EMC3: variants seen among roughly 807,000 people sequenced by gnomAD.
The protein encoded by EMC3 is ER membrane protein complex subunit 3, also known as 30 kDa protein.
Under a neutral mutation model 36.6 loss-of-function variants are expected in EMC3, and 13 were observed. That is an observed-to-expected ratio of 0.35 (90% CI 0.23 to 0.56). The LOEUF (loss-of-function observed/expected upper bound fraction) is 0.56, where lower values mean the gene tolerates loss of function less well. Among genes scored for constraint, EMC3 ranks in the 20% least tolerant of loss-of-function variants. The pLI is 0.84. For missense variants in EMC3, 220 were observed against 324.5 expected, an observed-to-expected ratio of 0.68 and a Z score of 2.47; for synonymous variants, 120 against 111.9, an observed-to-expected ratio of 1.07 and a Z score of -0.46.
rs2085703490 is a variant in EMC3 at position 9,963,138 on chromosome 3, T to A, written c.*931A>T. 2.6e-5 allele frequency: 4 copies of A among 152,298 alleles called. No homozygotes were observed. In the South Asian group the frequency reaches 8.3e-4, roughly 32 times the overall value. The allele number at this position is 152,298 out of a possible 1,614,324, so 9.4% of individuals were successfully genotyped here. A position where few individuals can be genotyped will look rare whatever the true frequency, so the allele number is the denominator to read the frequency against. On this transcript the variant is annotated 3_prime_UTR_variant, in exon 8 of 8. Transcript: ENST00000245046. The stretch of plus-strand genomic sequence containing the variant: ...TGATATAGAAGGTTTGCTGAGTCTG[T>A]CCTGACCCTGGGTATTCACTCTGAA...
At chr3:9,975,623 T>C (rs2085839359) in intron 3 of EMC3, among the ~76,000 whole-genome samples, 1 of 151,932 alleles carries the variant, frequency 6.6e-6, no homozygotes, top group African/African-American at 2.4e-5. Flanking sequence ...CCATCCTGGC[T>C]AACACAATGA....
At chr3:9,970,364 A>G (rs2085772777) in intron 6 of EMC3, among the ~76,000 whole-genome samples, 1 of 152,196 alleles carries the variant, frequency 6.6e-6, no homozygotes, top group Admixed American at 6.5e-5. Flanking sequence ...ACTCTGGGGA[A>G]TCAAAATACT....
At chr3:9,988,269 G>A (rs2086002703), upstream of EMC3, 1 of 641,492 alleles carries the variant, frequency 1.6e-6, no homozygotes, top group Non-Finnish European at 2.9e-6. Flanking sequence ...ACATGAGGTT[G>A]TCATTTACTC....
rs567928980 is a variant in EMC3 at position 9,965,124 on chromosome 3, T to G, written c.658-927A>C. On this transcript the variant is annotated intron_variant, in intron 7 of 7. Coordinates refer to ENST00000245046, the MANE Select transcript of EMC3 (RefSeq NM_001394674.1). ...TAAATTAAAAAAAAAAAAAAAAAGCTTGCGAGATGTGGTAGCTCACACCTG... is the reference window on the plus strand; with the variant it reads ...TAAATTAAAAAAAAAAAAAAAAAGCGTGCGAGATGTGGTAGCTCACACCTG... Among the ~76,000 whole-genome samples the G allele has an allele frequency of 2.0e-5, 3 of 148,642 alleles. No individual in the cohort carries two copies. The South Asian group carries it at 6.4e-4, about 31-fold the overall frequency.
At chr3:10,002,850 A>G (rs1317900477) in intron 1 of EMC3, 3 of 456,442 alleles carry the variant, frequency 6.6e-6, no homozygotes, top group Non-Finnish European at 1.3e-5. Flanking sequence ...GTGCAGACCC[A>G]GAAACCTCCC....
intron 1 of EMC3, chr3:10,007,596 G>A (rs1247598672): frequency 7.3e-7 from 1 of 1,367,486 alleles, no homozygotes; most frequent in African/African-American, 1.5e-5. Context: ...TGTCAGGGGA[G>A]GGTTGATGGC....
chr3:9,977,315 CCCTTATAAAACATTCAGATAT>C, intron 2 of EMC3, 53 bp downstream of exon 2: 2 of 1,398,676 alleles, frequency 1.4e-6, no homozygotes, highest in Non-Finnish European at 9.8e-7. Flanking sequence ...CCCCAGAGCC[CCCTTATAAAACATTCAGATAT>C]CTACTGCCCA....
chr3:10,006,763 A>C, intron 1 of EMC3: 1 of 347,854 alleles, frequency 2.9e-6, no homozygotes, highest in South Asian at 2.2e-5. Flanking sequence ...TGCATTTTGC[A>C]AAACACCTGA....
chr3:9,973,077 G>A (rs1018942997), intron 5 of EMC3, among the ~76,000 whole-genome samples: 5 of 151,274 alleles, frequency 3.3e-5, no homozygotes, highest in South Asian at 2.1e-4. Flanking sequence ...CGCCCGCCTC[G>A]GCCTCCCAAA....
chr3:9,965,078 G>A (rs1250156304), intron 7 of EMC3, among the ~76,000 whole-genome samples: 2 of 147,378 alleles, frequency 1.4e-5, no homozygotes, highest in Non-Finnish European at 3.0e-5. Context: ...CCTAGAGATA[G>A]TAATACCTCG....
At chr3:10,000,295 C>G (rs1224546059) in intron 1 of EMC3, among the ~76,000 whole-genome samples, 3 of 152,142 alleles carry the variant, frequency 2.0e-5, no homozygotes, top group African/African-American at 7.2e-5. Flanking sequence ...CCGCCTCGGC[C>G]TCCCAAAGTG....
upstream of EMC3, chr3:9,987,264 G>A: frequency 1.0e-6 from 1 of 984,352 alleles, no homozygotes; most frequent in Non-Finnish European, 1.2e-6. Context: ...ACGGCTTCTC[G>A]GTGAGTAAAT....
Position 9,974,495 on chromosome 3 carries a change from C to G in EMC3, c.308-7G>C. 6.4e-7 allele frequency: 1 copy of G among 1,573,948 alleles called. No individual in the cohort carries two copies. On this transcript the variant is annotated splice_polypyrimidine_tract_variant and splice_region_variant and intron_variant, in intron 3 of 7. Transcript: ENST00000245046. ...TCTGTCAACATAGTAGGATCTAAGA[C>G]AAAAGCACAAACAAGAAACCACTAA...
chr3:9,986,443 T>G, intron 1 of EMC3, 64 bp downstream of exon 1: 7 of 1,589,932 alleles, frequency 4.4e-6, no homozygotes, highest in South Asian at 1.1e-5. Flanking sequence ...TTGACACAAC[T>G]CCTGCACTTT....
Position 9,973,642 on chromosome 3 carries a change from T to C in EMC3, c.480A>G (p.Thr160=), listed in dbSNP as rs2085813553. Residue 160 remains threonine, a synonymous_variant, in exon 5 of 8, where the codon ACA becomes ACG. Transcript: ENST00000245046. ...AAAGTTCTTACCAGGATGCATCTAA[T>C]GTGAGTAGCTCGATTCCTTGCTGTA... is the stretch of plus-strand genomic sequence containing the variant. ...PMLQQGIELL[T]LDASWVSSAS... The C allele has an allele frequency of 6.2e-7, 1 of 1,614,022 alleles. No individual in the cohort carries two copies. The highest frequency in any genetic ancestry group is 1.1e-5 in the South Asian group (1 of 91,090).
chr3:9,989,916 G>T (rs926709397), upstream of EMC3, among the ~76,000 whole-genome samples: 2 of 149,134 alleles, frequency 1.3e-5, no homozygotes, highest in Non-Finnish European at 3.0e-5. Flanking sequence ...GTTAAGAGAA[G>T]TAGTAAAATT....
chr3:9,995,346 G>A (rs1344359961), intron 1 of EMC3, among the ~76,000 whole-genome samples: 1 of 151,944 alleles, frequency 6.6e-6, no homozygotes, highest in African/African-American at 2.4e-5. Flanking sequence ...TAACCCATAT[G>A]GGAAAAAGAA....
intron 7 of EMC3, among the ~76,000 whole-genome samples, chr3:9,966,274 G>T (rs1007405836): frequency 4.0e-5 from 6 of 151,166 alleles, no homozygotes; most frequent in Non-Finnish European, 8.8e-5. Flanking sequence ...CCAGGCTGGA[G>T]TGCAGTGGCG....
intron 1 of EMC3, chr3:9,992,842 G>T: frequency 7.7e-7 from 1 of 1,296,144 alleles, no homozygotes; most frequent in Non-Finnish European, 1.1e-6. Context: ...GTACTGATTG[G>T]TTAACTGTTT....
Sources: gnomAD v4.1 joint callset for allele counts (sites outside exome capture counted in the v4.1 genomes callset) on GRCh38, gnomAD v4.1.1 for gene constraint, MANE v1.5 for transcripts, NCBI Gene and HGNC (gene_info 2026-07-23, HGNC 2026-07-21) for gene names.